The following FAM117A variants were observed in gnomAD, a reference collection of about 807,000 sequenced individuals.
FAM117A encodes family with sequence similarity 117 member A, also known as protein FAM117A.
In FAM117A, 21 loss-of-function variants were observed where a neutral mutation model predicts 44.1. The ratio of observed to expected loss-of-function variants is 0.48; its 90% CI spans 0.34 to 0.69. The LOEUF is 0.69. Ranked by LOEUF, FAM117A falls within the 30% of genes least tolerant of loss-of-function variation. The pLI is 0.01. For synonymous variants in FAM117A, 220 were observed against 238.3 expected (o/e 0.92, Z 0.71); for missense variants, 498 against 589.9 (o/e 0.84, Z 1.61).
intron 6 of FAM117A, 92 bp from the exon 7 acceptor site, chr17:49,716,407 G>A (rs1171462618): frequency 7.8e-6 from 9 of 1,148,642 alleles, no homozygotes; most frequent in Non-Finnish European, 8.4e-6. Context: ...GGCAAGGCTG[G>A]GGACACATGG....
intron 3 of FAM117A, among the ~76,000 whole-genome samples, chr17:49,721,532 G>A (rs776787797): frequency 2.6e-5 from 4 of 152,138 alleles, no homozygotes; most frequent in African/African-American, 4.8e-5. Flanking sequence ...AGCTCTCAAC[G>A]TATTCACTTC....
intron 1 of FAM117A, among the ~76,000 whole-genome samples, chr17:49,754,661 G>A (rs1424210642): frequency 6.6e-6 from 1 of 152,098 alleles, no homozygotes; most frequent in Non-Finnish European, 1.5e-5. Context: ...AAGAAGGGGA[G>A]GGAAGAGGGG....
At chr17:49,784,186 T>C (rs971472449) in intron 1 of FAM117A, among the ~76,000 whole-genome samples, 1 of 152,236 alleles carries the variant, frequency 6.6e-6, no homozygotes, top group Non-Finnish European at 1.5e-5. Context: ...AGGGATCTTT[T>C]AGGCAGCTTA....
intron 1 of FAM117A, chr17:49,773,465 C>CA (rs969807260): frequency 0.042 from 2,735 of 64,392 alleles, 89 homozygotes; most frequent in African/African-American, 0.13. Flanking sequence ...AGACTCCAAC[C>CA]AAAAAAAAAA....
At chr17:49,727,842 G>T (rs1297780968) in intron 2 of FAM117A, among the ~76,000 whole-genome samples, 3 of 152,230 alleles carry the variant, frequency 2.0e-5, no homozygotes, top group Non-Finnish European at 4.4e-5. Context: ...TCCATGTGTG[G>T]AGCTGGGCTA....
chr17:49,727,802 G>A (rs2073566742), intron 2 of FAM117A, among the ~76,000 whole-genome samples: 2 of 152,180 alleles, frequency 1.3e-5, no homozygotes, highest in South Asian at 2.1e-4. Context: ...GGCCCTCACT[G>A]TCTCCAGTGA....
chr17:49,716,123 C>T, intron 7 of FAM117A, 42 bp downstream of exon 7: 13 of 1,180,996 alleles, frequency 1.1e-5, no homozygotes, highest in Non-Finnish European at 1.5e-5. Flanking sequence ...AGAATGTAGG[C>T]CCACCCTCCC....
chr17:49,750,086 T>C (rs2073670273), intron 1 of FAM117A, among the ~76,000 whole-genome samples: 1 of 148,926 alleles, frequency 6.7e-6, no homozygotes, highest in Non-Finnish European at 1.5e-5. Flanking sequence ...AGTATCTTCT[T>C]TGGAAATAAC....
At chr17:49,724,352 G>A (rs1043633765) in intron 2 of FAM117A, 10 of 456,200 alleles carry the variant, frequency 2.2e-5, no homozygotes, top group East Asian at 6.9e-5. Flanking sequence ...TAAAGGGACC[G>A]TTCTGCCCAT....
intron 1 of FAM117A, among the ~76,000 whole-genome samples, chr17:49,782,869 T>A (rs1373716319): frequency 6.6e-6 from 1 of 152,152 alleles, no homozygotes; most frequent in African/African-American, 2.4e-5. Flanking sequence ...TTGTCCTAAA[T>A]TGACAGAGAG....
intron 1 of FAM117A, among the ~76,000 whole-genome samples, chr17:49,737,459 T>C (rs1232687982): frequency 6.6e-6 from 1 of 152,144 alleles, no homozygotes; most frequent in Non-Finnish European, 1.5e-5. Context: ...GAGCAAGTGA[T>C]TGGCATAAGG....
At chr17:49,745,927 G>A (rs1010212609) in intron 1 of FAM117A, among the ~76,000 whole-genome samples, 2 of 152,202 alleles carry the variant, frequency 1.3e-5, no homozygotes, top group Non-Finnish European at 1.5e-5. Flanking sequence ...GACATCTCTA[G>A]TCCATTTTTG....
intron 7 of FAM117A, 38 bp downstream of exon 7, chr17:49,716,127 C>T (rs966329084): frequency 2.0e-6 from 3 of 1,478,150 alleles, no homozygotes; most frequent in Admixed American, 1.7e-5. Context: ...TGTAGGCCCA[C>T]CCTCCCCTCC....
In FAM117A at chr17:49,715,806, A is replaced by T. The variant is rs114472042; in HGVS notation, c.1061+359T>A. On this transcript the variant is annotated intron_variant, in intron 7 of 7. Coordinates refer to ENST00000240364, the MANE Select transcript of FAM117A (RefSeq NM_030802.4). ...CTAATATGTTCTCCCCACACCCCCC[A>T]TCTCTCGCTCTCGCTCTCTCTCTCT... 4.6e-3 allele frequency among the ~76,000 whole-genome samples: 695 copies of T among 152,010 alleles called. 6 individuals carry two copies. Among genetic ancestry groups the T allele is most frequent in the African/African-American group, 0.016 (667 of 41,460 alleles).
intron 1 of FAM117A, among the ~76,000 whole-genome samples, chr17:49,733,672 C>T (rs2073596842): frequency 6.6e-6 from 1 of 151,938 alleles, no homozygotes; most frequent in Non-Finnish European, 1.5e-5. Context: ...GACTCTGTCT[C>T]AAAAAATAAA....
Position 49,711,832 on chromosome 17 carries a change from GA to G in FAM117A, c.1062-278del, listed in dbSNP as rs149989660. Among the ~76,000 whole-genome samples, 535 of 152,318 alleles carry G rather than the reference GA, an allele frequency of 3.5e-3. 4 individuals are homozygous for G. Among genetic ancestry groups the G allele is most frequent in the Non-Finnish European group, 4.2e-3 (288 of 68,028 alleles). On this transcript the variant is annotated intron_variant, in intron 7 of 7. Transcript: ENST00000240364. ...ATGTGATTCAAGAAGTGGAGACCAA[GA>G]AATCTTTTCATTCGAAAGATTTCAT...
rs112454803 is a variant in FAM117A at position 49,753,407 on chromosome 17, C to T, written c.196+10485G>A. Among the ~76,000 whole-genome samples, 1,334 of 152,318 alleles carry T rather than the reference C, an allele frequency of 8.8e-3. 22 individuals carry two copies. Among genetic ancestry groups the T allele is most frequent in the African/African-American group, 0.031 (1,269 of 41,556 alleles). ...CCTTTCTGGGCCTCAGTTTCCTTAT[C>T]TGCAAAAACAATGAAATGCCACCTG... On this transcript the variant is annotated intron_variant, in intron 1 of 7. Coordinates refer to ENST00000240364, the MANE Select transcript of FAM117A (RefSeq NM_030802.4).
At chr17:49,770,269 C>CAA (rs57966452) in intron 1 of FAM117A, among the ~76,000 whole-genome samples, 780 of 69,398 alleles carry the variant, frequency 0.011, 15 homozygotes, top group African/African-American at 0.017. Flanking sequence ...GACTCTGTAT[C>CAA]AAAAAAAAAA....
upstream of FAM117A, among the ~76,000 whole-genome samples, chr17:49,769,131 A>G (rs1365165906): frequency 6.6e-6 from 1 of 152,050 alleles, no homozygotes; most frequent in African/African-American, 2.4e-5. Flanking sequence ...CCCCGTCTCT[A>G]CTAAAATACA....
Sources: gnomAD v4.1 joint callset for allele counts (sites outside exome capture counted in the v4.1 genomes callset) on GRCh38, gnomAD v4.1.1 for gene constraint, MANE v1.5 for transcripts, NCBI Gene and HGNC (gene_info 2026-07-23, HGNC 2026-07-21) for gene names.